PALS2: variants seen among roughly 807,000 people sequenced by gnomAD.
The protein encoded by PALS2 is protein PALS2.
PALS2 carries 27 observed loss-of-function variants against 61.6 expected under a neutral mutation model. The observed-to-expected ratio is 0.44, with a 90% CI of 0.32 to 0.60. The LOEUF (loss-of-function observed/expected upper bound fraction) is 0.60. Among genes scored for constraint, PALS2 ranks in the 20% least tolerant of loss-of-function variants. The pLI, the probability that PALS2 is intolerant of heterozygous loss-of-function variation, is 0.05. For missense variants in PALS2, 554 were observed against 639.4 expected, an observed-to-expected ratio of 0.87 and a Z score of 1.44; for synonymous variants, 236 against 218.6, an observed-to-expected ratio of 1.08 and a Z score of -0.70.
intron 2 of PALS2, 57 bp downstream of exon 2, chr7:24,623,841 A>G (rs569526844): frequency 1.2e-5 from 15 of 1,243,378 alleles, no homozygotes; most frequent in Non-Finnish European, 1.7e-5. Flanking sequence ...TTTTATAGAG[A>G]TATTTTCAGA....
At chr7:24,631,085 G>A (rs1480346192) in intron 2 of PALS2, among the ~76,000 whole-genome samples, 6 of 152,144 alleles carry the variant, frequency 3.9e-5, no homozygotes, top group Admixed American at 2.6e-4. Context: ...CATAGATTTC[G>A]ATTCCTCTAA....
At chr7:24,653,888 T>G (rs1483300955) in intron 5 of PALS2, among the ~76,000 whole-genome samples, 2 of 152,060 alleles carry the variant, frequency 1.3e-5, no homozygotes, top group Non-Finnish European at 2.9e-5. Context: ...TTAAACCAGC[T>G]TGGTGTCAAC....
At chr7:24,653,017 A>G (rs1298947360) in intron 5 of PALS2, among the ~76,000 whole-genome samples, 2 of 152,204 alleles carry the variant, frequency 1.3e-5, no homozygotes, top group East Asian at 1.9e-4. Flanking sequence ...TCGTAATTCC[A>G]TTTGTTTATT....
chr7:24,625,233 T>A (rs957302197), intron 2 of PALS2, among the ~76,000 whole-genome samples: 8 of 152,176 alleles, frequency 5.3e-5, no homozygotes, highest in South Asian at 2.1e-4. Context: ...AATGGTTTTT[T>A]ACTCTTTTCT....
At chr7:24,657,385 G>A (rs532973273) in intron 5 of PALS2, among the ~76,000 whole-genome samples, 1 of 152,268 alleles carries the variant, frequency 6.6e-6, no homozygotes, top group African/African-American at 2.4e-5. Context: ...GGTATGGTCA[G>A]TCTTTAAAAT....
chr7:24,655,570 A>G (rs1349779737), intron 5 of PALS2, among the ~76,000 whole-genome samples: 3 of 151,886 alleles, frequency 2.0e-5, no homozygotes, highest in Non-Finnish European at 4.4e-5. Context: ...TGCACGAACC[A>G]GTGATATAAA....
chr7:24,576,971 T>G (rs565589990), intron 1 of PALS2, among the ~76,000 whole-genome samples: 1 of 152,334 alleles, frequency 6.6e-6, no homozygotes, highest in African/African-American at 2.4e-5. Context: ...AAAGCCTGGT[T>G]TCTACTTTTT....
intron 5 of PALS2, among the ~76,000 whole-genome samples, chr7:24,659,428 G>A (rs1194599440): frequency 2.0e-5 from 3 of 152,320 alleles, no homozygotes; most frequent in Non-Finnish European, 4.4e-5. Flanking sequence ...TCTCCAAAGT[G>A]CTTTCCACAG....
At chr7:24,603,111 C>T (rs1298921021) in intron 1 of PALS2, among the ~76,000 whole-genome samples, 1 of 152,148 alleles carries the variant, frequency 6.6e-6, no homozygotes, top group Non-Finnish European at 1.5e-5. Flanking sequence ...CTCTGTAAAC[C>T]AGGAAGTGAG....
chr7:24,652,861 G>C (rs1272627925), intron 5 of PALS2, among the ~76,000 whole-genome samples: 1 of 152,158 alleles, frequency 6.6e-6, no homozygotes, highest in Non-Finnish European at 1.5e-5. Context: ...ATCTTTATCA[G>C]AATCGTTTCA....
chr7:24,640,698 A>G (rs1223409531), intron 2 of PALS2, among the ~76,000 whole-genome samples: 5 of 152,184 alleles, frequency 3.3e-5, no homozygotes, highest in South Asian at 2.1e-4. Flanking sequence ...CTTTACTCCT[A>G]CTATGAAAGG....
intron 1 of PALS2, among the ~76,000 whole-genome samples, chr7:24,620,820 A>G (rs1379387890): frequency 6.6e-6 from 1 of 152,158 alleles, no homozygotes. Context: ...AATTTGCTTC[A>G]AAGTTATATA....
intron 1 of PALS2, among the ~76,000 whole-genome samples, chr7:24,583,829 A>G (rs1039750986): frequency 6.6e-6 from 1 of 151,382 alleles, no homozygotes; most frequent in Non-Finnish European, 1.5e-5. Context: ...ACCCCACCAC[A>G]GTCCCCAGAG....
chr7:24,624,090 T>C, intron 2 of PALS2: 1 of 1,326,760 alleles, frequency 7.5e-7, no homozygotes, highest in Non-Finnish European at 1.0e-6. Context: ...TGATCCTATT[T>C]CCATTTTCAA....
At chr7:24,646,127 A>T (rs913781028) in intron 3 of PALS2, among the ~76,000 whole-genome samples, 1 of 152,060 alleles carries the variant, frequency 6.6e-6, no homozygotes, top group South Asian at 2.1e-4. Flanking sequence ...CTCTCATCCT[A>T]TCTGGATGCC....
intron 11 of PALS2, among the ~76,000 whole-genome samples, chr7:24,686,682 C>G (rs1455616419): frequency 6.6e-6 from 1 of 152,128 alleles, no homozygotes; most frequent in African/African-American, 2.4e-5. Flanking sequence ...GATAGGAACC[C>G]TCTCTCTTAT....
chr7:24,575,680 T>C (rs1214301823), intron 1 of PALS2, among the ~76,000 whole-genome samples: 1 of 152,242 alleles, frequency 6.6e-6, no homozygotes, highest in African/African-American at 2.4e-5. Flanking sequence ...TTTCATATTT[T>C]TGACATCTGA....
At chr7:24,632,244 T>A (rs938496999) in intron 2 of PALS2, among the ~76,000 whole-genome samples, 7 of 152,232 alleles carry the variant, frequency 4.6e-5, no homozygotes, top group Admixed American at 3.9e-4. Context: ...CTGCCCTGTC[T>A]GAAATTAATA....
rs753000957 is a variant in PALS2, at chr7:24,663,658, A to T, written c.720A>T (p.Gly240=). ...NDNLIPCKEA[G]LKFSKGEILQ... ...ACCTAATACCTTGCAAAGAAGCAGG[A>T]TTGAAGTTTTCCAAAGGAGAGATTC... Residue 240 remains glycine, a synonymous_variant, in exon 6 of 12, where the codon GGA becomes GGT. Transcript: ENST00000222644. 5.0e-6 allele frequency: 8 copies of T among 1,603,844 alleles called. No individual in the cohort carries two copies. The highest frequency in any genetic ancestry group is 1.7e-5 in the Admixed American group (1 of 59,970).
Sources: gnomAD v4.1 joint callset for allele counts (sites outside exome capture counted in the v4.1 genomes callset) on GRCh38, gnomAD v4.1.1 for gene constraint, MANE v1.5 for transcripts, NCBI Gene and HGNC (gene_info 2026-07-23, HGNC 2026-07-21) for gene names.